Variants in DNAH5 observed in about 807,000 individuals in gnomAD.
DNAH5 encodes the protein dynein axonemal heavy chain 5, also known as axonemal beta dynein heavy chain 5.
In DNAH5, 372 loss-of-function variants were observed where a neutral mutation model predicts 518.2. The observed-to-expected ratio is 0.72, with a 90% CI of 0.66 to 0.78. The LOEUF (loss-of-function observed/expected upper bound fraction) is 0.78, where lower values mean the gene tolerates loss of function less well. Ranked by LOEUF, DNAH5 falls within the 30% of genes least tolerant of loss-of-function variation. DNAH5 has a pLI of 0.00. For synonymous variants in DNAH5, 2,039 were observed against 2,025.9 expected, an observed-to-expected ratio of 1.01 and a Z score of -0.17; for missense variants, 5,523 against 5,687.0, an observed-to-expected ratio of 0.97 and a Z score of 0.93.
At chr5:13,750,994 A>T in intron 65 of DNAH5, 84 bp downstream of exon 65, 1 of 1,433,472 alleles carries the variant, frequency 7.0e-7, no homozygotes. Context: ...ACTCAGTCCT[A>T]TTACAACTGT....
At chr5:13,822,635 T>G (rs1235074878) in intron 40 of DNAH5, among the ~76,000 whole-genome samples, 1 of 152,218 alleles carries the variant, frequency 6.6e-6, no homozygotes, top group Non-Finnish European at 1.5e-5. Flanking sequence ...ATAAAACATT[T>G]TTTTCCAAAC....
In DNAH5 at chr5:13,900,352, C is replaced by T. The variant is rs780489890; in HGVS notation, c.2113G>A (p.Glu705Lys). ...TGAGGGTCAAAGTTTACAAACAATT[C>T]CCCTGTGCCTGGAGCCTTCACCAAT... ...SLLVKAPGTG[E>K]LFVNFDPQIL... is the part of the protein sequence containing the mutation. The change falls in exon 15 of 79, where the codon GAA becomes AAA. Residue 705 changes from glutamate (E) to lysine (K), a missense_variant. Physicochemically the swap from Glu to Lys is moderately conservative, Grantham distance 56 (BLOSUM62 1). Around this residue, in one of 3 missense-constraint regions of DNAH5, gnomAD observed 5,121 missense variants for 5,223.3 expected, o/e 0.98. Transcript: ENST00000265104. The T allele has an allele frequency of 1.6e-5, 26 of 1,614,030 alleles. No homozygotes were observed. Among genetic ancestry groups the T allele is most frequent in the Non-Finnish European group, 1.9e-5 (22 of 1,180,018 alleles).
rs369225476 is a variant in DNAH5, at chr5:13,807,678, A to G, written c.7800T>C (p.Ile2600=). ...GATCATATTTTGACATAAATCCTTT[A>G]ATTATTACTGTTTTGGCTGTTCCTT... ...GEQGTAKTVI[I]KGFMSKYDPE... The change falls in exon 47 of 79, where the codon ATT becomes ATC. Residue 2600 remains isoleucine, a synonymous_variant. Transcript: ENST00000265104. 1 of 1,610,528 alleles carries G rather than the reference A, an allele frequency of 6.2e-7. No individual in the cohort carries two copies. Among genetic ancestry groups the G allele is most frequent in the African/African-American group, 1.3e-5 (1 of 74,966 alleles).
At chr5:13,758,790 G>A (rs1751364346) in intron 61 of DNAH5, 56 bp downstream of exon 61, 5 of 1,612,814 alleles carry the variant, frequency 3.1e-6, no homozygotes, top group South Asian at 1.1e-5. Context: ...CCAAACTCTT[G>A]GAGAGAGAAG....
In DNAH5 at chr5:13,901,509, C is replaced by G; in HGVS notation, c.1795G>C (p.Asp599His). ...YQLILENYGA[D>H]IDMISKLYTK... is the part of the protein sequence containing the mutation. ...TACAGCTTTGAAATCATATCAATGT[C>G]AGCCCCATAGTTCTCAAGGATAAGT... The change falls in exon 14 of 79, where the codon GAC (aspartate) becomes CAC (histidine). Residue 599 changes from aspartate to histidine, a missense_variant. By Grantham distance (81) the Asp-to-His change is moderately conservative (BLOSUM62 -1). Coordinates refer to ENST00000265104, the MANE Select transcript of DNAH5 (RefSeq NM_001369.3). The G allele has an allele frequency of 6.2e-7, 1 of 1,613,700 alleles. No homozygotes were observed. The highest frequency in any genetic ancestry group is 8.5e-7 in the Non-Finnish European group (1 of 1,179,980).
At position 13,707,987 on chromosome 5, in the gene DNAH5, AC is replaced by A; in HGVS notation, c.13338+135del. ...CCTTCCCTACCTATGGTCTAAAAAT[AC>A]AGGGCTACAGGGGGCTTCGTCCCTG... is the stretch of plus-strand genomic sequence containing the variant. On this transcript the variant is annotated intron_variant, in intron 76 of 78. Transcript: ENST00000265104. This position sits in a 1 kb window ranked among gnomAD's most constrained non-coding sequence, Gnocchi z 4.0. 1.9e-6 allele frequency: 2 copies of A among 1,034,808 alleles called. No homozygotes were observed. The highest frequency in any genetic ancestry group is 3.0e-6 in the Non-Finnish European group (2 of 670,134). 64.1% of individuals were successfully genotyped at this position (1,034,808 alleles called of 1,614,324 possible).
intron 53 of DNAH5, among the ~76,000 whole-genome samples, chr5:13,778,723 C>T (rs1754629680): frequency 6.6e-6 from 1 of 152,150 alleles, no homozygotes; most frequent in South Asian, 2.1e-4. Flanking sequence ...ATAATATGGC[C>T]TAAGACACCA....
At chr5:13,999,197 T>C (rs1224761803) in intron 1 of DNAH5, among the ~76,000 whole-genome samples, 1 of 152,252 alleles carries the variant, frequency 6.6e-6, no homozygotes, top group African/African-American at 2.4e-5. Context: ...TTTAAAATTT[T>C]ATTTTACTGT....
intron 41 of DNAH5, among the ~76,000 whole-genome samples, chr5:13,818,426 G>T (rs936764888): frequency 6.6e-6 from 1 of 152,224 alleles, no homozygotes; most frequent in African/African-American, 2.4e-5. Flanking sequence ...GTGAAACCCC[G>T]TCTCTGCTGA....
intron 12 of DNAH5, among the ~76,000 whole-genome samples, chr5:13,904,537 A>ATGTG (rs141766674): frequency 0.027 from 3,997 of 150,322 alleles, 182 homozygotes; most frequent in African/African-American, 0.091. Context: ...TATGTGGATT[A>ATGTG]TGTGTGTGTG....
intron 28 of DNAH5, 124 bp from the exon 29 acceptor site, chr5:13,862,871 T>G: frequency 3.3e-6 from 1 of 306,252 alleles, no homozygotes; most frequent in Non-Finnish European, 5.5e-6. Flanking sequence ...TATAAACTTT[T>G]ATATTTCCAG....
chr5:13,988,631 T>G (rs1212182179), intron 1 of DNAH5, among the ~76,000 whole-genome samples: 1 of 151,732 alleles, frequency 6.6e-6, no homozygotes, highest in African/African-American at 2.4e-5. Context: ...TTGGCCAGGC[T>G]GGTCTCAAAC....
intron 16 of DNAH5, among the ~76,000 whole-genome samples, chr5:13,891,633 G>A (rs1167438949): frequency 2.0e-5 from 3 of 152,186 alleles, no homozygotes; most frequent in African/African-American, 7.2e-5. Context: ...CGTCTCTGCG[G>A]ATTGTCTACC....
intron 9 of DNAH5, among the ~76,000 whole-genome samples, chr5:13,915,239 G>T (rs1402212667): frequency 1.3e-5 from 2 of 152,054 alleles, no homozygotes; most frequent in African/African-American, 4.8e-5. Flanking sequence ...AGGATTTACA[G>T]TGCAAGGGGT....
chr5:13,839,422 G>A lies in DNAH5; in HGVS notation c.5816C>T (p.Ala1939Val), dbSNP rs376871205. ...DKMMIHITDVAFIYQNEFLGC... is the reference protein window; with the variant it reads ...DKMMIHITDVVFIYQNEFLGC... ...TAAAAATTCATTCTGGTATATGAACGCCACATCTGTGATGTGAATCATCAT... is the reference window on the plus strand; with the variant it reads ...TAAAAATTCATTCTGGTATATGAACACCACATCTGTGATGTGAATCATCAT... The change falls in exon 35 of 79, where the codon GCG becomes GTG. Residue 1939 changes from alanine (A) to valine (V), a missense_variant. Coordinates refer to ENST00000265104, the MANE Select transcript of DNAH5 (RefSeq NM_001369.3). The A allele has an allele frequency of 1.2e-5, 20 of 1,613,260 alleles. No individual in the cohort carries two copies. Among genetic ancestry groups the A allele is most frequent in the Middle Eastern group, 1.6e-4 (1 of 6,082 alleles).
At chr5:13,969,091 T>C (rs1781714230) in intron 1 of DNAH5, among the ~76,000 whole-genome samples, 1 of 152,310 alleles carries the variant, frequency 6.6e-6, no homozygotes, top group East Asian at 1.9e-4. Context: ...CTAGGTTTTC[T>C]AGTTTGTGTG....
At chr5:13,816,417 T>C (rs190459678) in intron 42 of DNAH5, among the ~76,000 whole-genome samples, 5 of 152,328 alleles carry the variant, frequency 3.3e-5, no homozygotes, top group African/African-American at 1.2e-4. Flanking sequence ...AACCGTGGGA[T>C]AGTCTATTTA....
chr5:13,782,991 G>C (rs1469849159), intron 52 of DNAH5, among the ~76,000 whole-genome samples: 1 of 152,148 alleles, frequency 6.6e-6, no homozygotes, highest in Non-Finnish European at 1.5e-5. Context: ...ACAGAGGCTG[G>C]GGTCATGAGC....
rs563720507 is a variant in DNAH5, at chr5:13,782,590, G to C, written c.8821-1631C>G. The stretch of plus-strand genomic sequence containing the variant: ...TAAGAAGCTACTGGAAGCCACACTA[G>C]AACATTCTGTGTCTTTCCTTGGTTG... On this transcript the variant is annotated intron_variant, in intron 52 of 78. Coordinates refer to ENST00000265104, the MANE Select transcript of DNAH5 (RefSeq NM_001369.3). Among the ~76,000 whole-genome samples, 3 of 152,266 alleles carry C rather than the reference G, an allele frequency of 2.0e-5. No individual in the cohort carries two copies. The South Asian group carries it at 6.2e-4, about 32-fold the overall frequency.
Sources: allele counts gnomAD v4.1 joint callset (sites outside exome capture counted in the v4.1 genomes callset), GRCh38; gene constraint gnomAD v4.1.1; regional missense constraint gnomAD v4.1.1; non-coding constraint Gnocchi (gnomAD v3.1); transcripts MANE v1.5; gene names NCBI Gene and HGNC (gene_info 2026-07-23, HGNC 2026-07-21).